The following SYNE2 variants were observed in gnomAD, a reference collection of about 807,000 sequenced individuals.
The protein encoded by SYNE2 is nesprin-2.
A neutral mutation model predicts 856.3 loss-of-function variants in SYNE2; 431 were observed. The ratio of observed to expected loss-of-function variants is 0.50; its 90% CI spans 0.47 to 0.55. The LOEUF is 0.55. Ranked by LOEUF, SYNE2 falls within the 20% of genes least tolerant of loss-of-function variation. The probability of loss-of-function intolerance (pLI) is 0.00; values close to 1 mark genes in which losing one functional copy is unlikely to be tolerated. For synonymous variants in SYNE2, 2,923 were observed against 2,872.3 expected (o/e 1.02, Z -0.56); for missense variants, 8,129 against 8,023.2 (o/e 1.01, Z -0.50).
intron 11 of SYNE2, among the ~76,000 whole-genome samples, chr14:63,968,189 CAGCTTTG>C (rs1383147674): frequency 1.3e-5 from 2 of 151,994 alleles, no homozygotes; most frequent in East Asian, 3.8e-4. Flanking sequence ...TTTCAAAGGG[CAGCTTTG>C]TTTTTTTGGA....
At chr14:63,891,520 GAAATTTCCTTTATACATGT>G (rs1361712378) in intron 1 of SYNE2, among the ~76,000 whole-genome samples, 1 of 151,934 alleles carries the variant, frequency 6.6e-6, no homozygotes, top group Non-Finnish European at 1.5e-5. Context: ...TTTACAAATG[GAAATTTCCTTTATACATGT>G]AAATTTCCTT....
chr14:63,943,678 A>T (rs8013914), intron 6 of SYNE2, among the ~76,000 whole-genome samples: 1,042 of 54,552 alleles, frequency 0.019, 6 homozygotes, highest in East Asian at 0.05. Flanking sequence ...TATTATTATT[A>T]TTTTTTTTTT....
At position 64,164,614 on chromosome 14, in the gene SYNE2, G is replaced by GTTGCA. The variant is rs556284292; in HGVS notation, c.16480-670_16480-666dup. 5.9e-5 allele frequency among the ~76,000 whole-genome samples: 9 copies of GTTGCA among 152,266 alleles called. No homozygotes were observed. In the South Asian group the frequency reaches 1.9e-3, roughly 32 times the overall value. On this transcript the variant is annotated intron_variant, in intron 89 of 115. Coordinates refer to ENST00000555002, the MANE Select transcript of SYNE2 (RefSeq NM_182914.3). ...AACAAGCTACACAGAAGGCCATGGA[G>GTTGCA]TTGCAGTATCACATCTCAGTACCAG... is the stretch of plus-strand genomic sequence containing the variant.
Position 63,940,428 on chromosome 14 carries a change from C to T in SYNE2, c.80-186C>T, listed in dbSNP as rs182781067. 4.5e-4 allele frequency among the ~76,000 whole-genome samples: 68 copies of T among 151,600 alleles called. 1 individual carries two copies. The East Asian group carries it at 0.01, about 22-fold the overall frequency. On this transcript the variant is annotated intron_variant, in intron 2 of 115. Transcript: ENST00000555002. ...CAAACCCATGGTTTTAAAAAAATAT[C>T]GTATCAACATGGTTTTTCTAAAACA...
Position 63,986,704 on chromosome 14 carries a change from A to G in SYNE2, c.2313+87A>G. 4 of 1,364,114 alleles carry G rather than the reference A, an allele frequency of 2.9e-6. No homozygotes were observed. In the Admixed American group the frequency reaches 6.8e-5, roughly 23 times the overall value. 84.5% of individuals were successfully genotyped at this position (1,364,114 alleles called of 1,614,324 possible). On this transcript the variant is annotated intron_variant, in intron 19 of 115. Transcript: ENST00000555002. Reference sequence around the variant, plus strand: ...ATAAGAAGTTTTAAAGTAAGTAGTAATAAGCCTACAGTTTTAATTTTCTTT... The same window carrying G: ...ATAAGAAGTTTTAAAGTAAGTAGTAGTAAGCCTACAGTTTTAATTTTCTTT...
chr14:64,188,936 G>GAAAGCAACTCTCC, intron 98 of SYNE2: 1 of 704,700 alleles, frequency 1.4e-6, no homozygotes, highest in Non-Finnish European at 2.6e-6. Flanking sequence ...ACCGAGGAGA[G>GAAAGCAACTCTCC]TTGCTTTCTC....
intron 1 of SYNE2, among the ~76,000 whole-genome samples, chr14:63,900,063 T>C (rs1025109627): frequency 5.9e-5 from 9 of 152,200 alleles, no homozygotes; most frequent in Non-Finnish European, 8.8e-5. Flanking sequence ...GTTCAGAGCA[T>C]CTGGGACTAG....
chr14:63,872,556 G>C (rs1440395827), intron 1 of SYNE2, among the ~76,000 whole-genome samples: 4 of 151,988 alleles, frequency 2.6e-5, no homozygotes, highest in Non-Finnish European at 4.4e-5. Flanking sequence ...AGGAGTTTGA[G>C]ACCAGCCTGG....
chr14:63,890,619 C>A (rs1333892211), intron 1 of SYNE2, among the ~76,000 whole-genome samples: 2 of 152,018 alleles, frequency 1.3e-5, no homozygotes, highest in Non-Finnish European at 2.9e-5. Flanking sequence ...GCTTCTGAGG[C>A]CTTCACTTGG....
chr14:63,812,443 A>G (rs1220657066), intron 1 of SYNE2, among the ~76,000 whole-genome samples: 2 of 152,188 alleles, frequency 1.3e-5, no homozygotes, highest in Non-Finnish European at 2.9e-5. Context: ...CACACGTTTT[A>G]CAATCAATTT....
intron 2 of SYNE2, among the ~76,000 whole-genome samples, chr14:63,933,498 T>C (rs2095792088): frequency 6.6e-6 from 1 of 152,234 alleles, no homozygotes; most frequent in South Asian, 2.1e-4. Context: ...TAAATGTATT[T>C]TTATGGTAAT....
intron 96 of SYNE2, among the ~76,000 whole-genome samples, chr14:64,181,815 T>A (rs1204383404): frequency 6.6e-6 from 1 of 152,252 alleles, no homozygotes. Context: ...TTTCCTTACA[T>A]ATATGTTTTA....
At chr14:63,938,017 T>C (rs2095853869) in intron 2 of SYNE2, among the ~76,000 whole-genome samples, 1 of 151,298 alleles carries the variant, frequency 6.6e-6, no homozygotes, top group African/African-American at 2.4e-5. Flanking sequence ...CATGGAGGAG[T>C]TGTTATTAGT....
chr14:64,179,659 AT>A (rs1318022587), intron 96 of SYNE2, among the ~76,000 whole-genome samples: 1 of 151,680 alleles, frequency 6.6e-6, no homozygotes, highest in Non-Finnish European at 1.5e-5. Flanking sequence ...TCAGTTGCAC[AT>A]TTTTTTCATA....
chr14:63,911,408 A>T (rs369624346), intron 2 of SYNE2, among the ~76,000 whole-genome samples: 2 of 152,236 alleles, frequency 1.3e-5, no homozygotes, highest in Admixed American at 6.5e-5. Context: ...ATATCAAGTA[A>T]TATTTTCTTC....
chr14:64,071,928 G>T (rs974543935), intron 52 of SYNE2, among the ~76,000 whole-genome samples: 3 of 152,150 alleles, frequency 2.0e-5, no homozygotes, highest in African/African-American at 7.2e-5. Flanking sequence ...TGAGGGAAGA[G>T]AATCACTTGA....
intron 74 of SYNE2, among the ~76,000 whole-genome samples, chr14:64,129,316 T>C (rs1427052043): frequency 6.6e-6 from 1 of 152,100 alleles, no homozygotes; most frequent in Non-Finnish European, 1.5e-5. Context: ...TCTAAATAAA[T>C]AAATAAATAA....
At chr14:63,848,381 T>G (rs1229148335), upstream of SYNE2, 1 of 152,236 alleles carries the variant, frequency 6.6e-6, no homozygotes, top group African/African-American at 2.4e-5. Context: ...TCTTATTTAT[T>G]ATTAATATAT....
Position 64,218,475 on chromosome 14 carries a change from A to T in SYNE2, c.19620A>T (p.Glu6540Asp), listed in dbSNP as rs755594887. The T allele has an allele frequency of 1.2e-5, 20 of 1,614,042 alleles. No homozygotes were observed. The highest frequency in any genetic ancestry group is 1.6e-5 in the Non-Finnish European group (19 of 1,180,056). Reference protein sequence around the residue: ...PRVLNGNPQQEDGGLAGITEQ... With the variant: ...PRVLNGNPQQDDGGLAGITEQ... ...TCCTGAATGGCAACCCACAGCAGGAAGACGGGGGACTGGCCGGTATCACAG... is the reference window on the plus strand; with the variant it reads ...TCCTGAATGGCAACCCACAGCAGGATGACGGGGGACTGGCCGGTATCACAG... The change falls in exon 109 of 116, where the codon GAA becomes GAT. Residue 6540 changes from glutamate (E) to aspartate (D), a missense_variant. By Grantham distance (45) the Glu-to-Asp change is conservative. Coordinates refer to ENST00000555002, the MANE Select transcript of SYNE2 (RefSeq NM_182914.3).
Sources: allele counts gnomAD v4.1 joint callset (sites outside exome capture counted in the v4.1 genomes callset), GRCh38; gene constraint gnomAD v4.1.1; transcripts MANE v1.5; gene names NCBI Gene and HGNC (gene_info 2026-07-23, HGNC 2026-07-21).